Variants in SLC5A4 observed in about 807,000 individuals in gnomAD.
SLC5A4 encodes solute carrier family 5 member 4.
In SLC5A4, 55 loss-of-function variants were observed where a neutral mutation model predicts 70.3. The observed-to-expected ratio is 0.78, with a 90% CI of 0.63 to 0.98. The LOEUF (loss-of-function observed/expected upper bound fraction) is 0.98. SLC5A4 is among the 50% of genes least tolerant of loss of function. The probability of loss-of-function intolerance (pLI) is 0.00; values close to 1 mark genes in which losing one functional copy is unlikely to be tolerated. For synonymous variants in SLC5A4, 268 were observed against 305.7 expected (o/e 0.88, Z 1.29); for missense variants, 735 against 839.2 (o/e 0.88, Z 1.53).
chr22:32,294,717 GGTTA>G, the SLC5A4 span, among the ~76,000 whole-genome samples: 7 of 145,746 alleles, frequency 4.8e-5, no homozygotes, highest in Non-Finnish European at 1.1e-4. Flanking sequence ...ACATTGTGCA[GGTTA>G]GTTACATATG....
At chr22:32,229,558 A>G (rs1201618061) in intron 10 of SLC5A4, among the ~76,000 whole-genome samples, 1 of 152,226 alleles carries the variant, frequency 6.6e-6, no homozygotes, top group African/African-American at 2.4e-5. Context: ...AAAACATCAC[A>G]TGTTCTCACT....
the SLC5A4 span, among the ~76,000 whole-genome samples, chr22:32,303,176 C>T: frequency 9.9e-5 from 15 of 152,206 alleles, no homozygotes; most frequent in African/African-American, 3.6e-4. Context: ...AGAAGATCCT[C>T]ACGACACGTG....
chr22:32,255,592 G>T (rs528828785), upstream of SLC5A4, among the ~76,000 whole-genome samples: 1 of 152,246 alleles, frequency 6.6e-6, no homozygotes, highest in East Asian at 1.9e-4. Context: ...TGAGTGCAAA[G>T]ACAGGGTCTT....
At chr22:32,328,838 G>A in the SLC5A4 span, among the ~76,000 whole-genome samples, 70,954 of 152,054 alleles carry the variant, frequency 0.47, 17,049 homozygotes, top group East Asian at 0.65. Context: ...GGAGGATCTT[G>A]GAGATTGTGC....
chr22:32,307,479 A>AGGGCCCTG, the SLC5A4 span, among the ~76,000 whole-genome samples: 1 of 152,172 alleles, frequency 6.6e-6, no homozygotes, highest in Non-Finnish European at 1.5e-5. Context: ...GGTTCCCAGA[A>AGGGCCCTG]GGGCCCTGGG....
intron 6 of SLC5A4, among the ~76,000 whole-genome samples, chr22:32,238,402 G>C (rs866643341): frequency 6.6e-6 from 1 of 152,152 alleles, no homozygotes; most frequent in Non-Finnish European, 1.5e-5. Flanking sequence ...TGTTTTGACT[G>C]TTCTAGCTGG....
the SLC5A4 span, chr22:32,270,022 G>A: frequency 2.0e-6 from 1 of 493,952 alleles, no homozygotes; most frequent in Non-Finnish European, 4.0e-6. Context: ...GGAGCCCCCG[G>A]CCAGTGCTAT....
At position 32,247,409 on chromosome 22, in the gene SLC5A4, A is replaced by C; in HGVS notation, c.477+2T>G. 1.9e-6 allele frequency: 3 copies of C among 1,602,104 alleles called. No homozygotes were observed. The highest frequency in any genetic ancestry group is 2.6e-6 in the Non-Finnish European group (3 of 1,169,062). ...TAAAATGCCAGGAGGCTCTGAACTC[A>C]CAGAAATTAACAAAACCACACAGAT... On this transcript the variant is annotated splice_donor_variant, in intron 5 of 14. Coordinates refer to ENST00000266086, the MANE Select transcript of SLC5A4 (RefSeq NM_014227.3). LOFTEE classifies it high-confidence loss of function.
the SLC5A4 span, among the ~76,000 whole-genome samples, chr22:32,313,379 C>A: frequency 3.3e-5 from 5 of 152,190 alleles, no homozygotes; most frequent in Non-Finnish European, 5.9e-5. Context: ...TATACTGTCA[C>A]CCTTGCTATA....
At position 32,225,679 on chromosome 22, in the gene SLC5A4, G is replaced by A; in HGVS notation, c.1425C>T (p.Ile475=). The A allele has an allele frequency of 6.2e-7, 1 of 1,612,246 alleles. No individual in the cohort carries two copies. Residue 475 remains isoleucine (I), a synonymous_variant, in exon 12 of 15, where the codon ATC becomes ATT. Coordinates refer to ENST00000266086, the MANE Select transcript of SLC5A4 (RefSeq NM_014227.3). ...CCTGTTCATTGACTCTTTTACAGAA[G>A]ATGGCAAGCACAAAGACAGCTGCAA... ...PPIAAVFVLA[I]FCKRVNEQGA... is the part of the protein sequence containing the mutation.
the SLC5A4 span, chr22:32,271,338 G>A: frequency 1.9e-5 from 14 of 737,066 alleles, no homozygotes; most frequent in South Asian, 8.8e-5. Flanking sequence ...TGCCTCTCTC[G>A]TCAAGGAGGT....
At chr22:32,270,239 C>G in the SLC5A4 span, 1 of 696,392 alleles carries the variant, frequency 1.4e-6, no homozygotes, top group Non-Finnish European at 2.7e-6. Flanking sequence ...TGCACCAATG[C>G]TGCCATGGGT....
chr22:32,307,489 G>GTAC, the SLC5A4 span, among the ~76,000 whole-genome samples: 2 of 152,304 alleles, frequency 1.3e-5, no homozygotes, highest in East Asian at 3.9e-4. Flanking sequence ...AGGGCCCTGG[G>GTAC]TACAGGGCCA....
At chr22:32,320,300 G>A in the SLC5A4 span, among the ~76,000 whole-genome samples, 1 of 152,284 alleles carries the variant, frequency 6.6e-6, no homozygotes, top group East Asian at 1.9e-4. Flanking sequence ...TTCTTTGGAA[G>A]GCAATTTGAC....
At chr22:32,251,479 G>C (rs183800579) in intron 3 of SLC5A4, among the ~76,000 whole-genome samples, 2 of 150,014 alleles carry the variant, frequency 1.3e-5, no homozygotes, top group South Asian at 2.1e-4. Context: ...CTCTGTCTCT[G>C]TCTCTTTCTC....
At chr22:32,279,246 A>T in the SLC5A4 span, among the ~76,000 whole-genome samples, 1 of 152,400 alleles carries the variant, frequency 6.6e-6, no homozygotes, top group African/African-American at 2.4e-5. Context: ...GCTGCATTCC[A>T]GCCTGGGCGA....
the SLC5A4 span, among the ~76,000 whole-genome samples, chr22:32,286,520 T>A: frequency 1.3e-5 from 2 of 152,232 alleles, no homozygotes; most frequent in Non-Finnish European, 2.9e-5. Context: ...GTATGAGCGA[T>A]AAACAACCCT....
the SLC5A4 span, among the ~76,000 whole-genome samples, chr22:32,282,999 G>GCTCCTCTGCTCAAACCTTGCCGAGCCTC: frequency 6.6e-6 from 1 of 152,210 alleles, no homozygotes; most frequent in Non-Finnish European, 1.5e-5. Flanking sequence ...AGATTATGCT[G>GCTCCTCTGCTCAAACCTTGCCGAGCCTC]CTCCTCTGCT....
the SLC5A4 span, among the ~76,000 whole-genome samples, chr22:32,300,588 C>A: frequency 2.6e-5 from 4 of 151,394 alleles, no homozygotes; most frequent in East Asian, 7.8e-4. Flanking sequence ...GAACCCGGTA[C>A]CTCAGATGGA....
Sources: allele counts gnomAD v4.1 joint callset (sites outside exome capture counted in the v4.1 genomes callset), GRCh38; gene constraint gnomAD v4.1.1; transcripts MANE v1.5; gene names NCBI Gene and HGNC (gene_info 2026-07-23, HGNC 2026-07-21).